RASGRF2: variants seen among roughly 807,000 people sequenced by gnomAD.
The protein encoded by RASGRF2 is ras-specific guanine nucleotide-releasing factor 2.
Under a neutral mutation model 151.0 loss-of-function variants are expected in RASGRF2, and 76 were observed. The ratio of observed to expected loss-of-function variants is 0.50; its 90% confidence interval spans 0.42 to 0.61. RASGRF2 has a LOEUF of 0.61. RASGRF2 is among the 20% of genes least tolerant of loss of function. RASGRF2 has a pLI of 0.00. For missense variants in RASGRF2, 1,148 were observed against 1,564.6 expected, an observed-to-expected ratio of 0.73 and a Z score of 4.49; for synonymous variants, 504 against 566.5, an observed-to-expected ratio of 0.89 and a Z score of 1.57.
intron 17 of RASGRF2, among the ~76,000 whole-genome samples, chr5:81,134,263 C>A (rs1004596865): frequency 3.3e-5 from 5 of 152,030 alleles, no homozygotes; most frequent in Non-Finnish European, 2.9e-5. Context: ...TAACCCACAC[C>A]CTCAGGCAAT....
intron 18 of RASGRF2, among the ~76,000 whole-genome samples, chr5:81,187,914 C>G (rs1202646238): frequency 6.6e-6 from 1 of 152,218 alleles, no homozygotes; most frequent in Non-Finnish European, 1.5e-5. Context: ...AATTAGAGCA[C>G]TGAGTTCAGG....
At chr5:81,222,188 T>C (rs1755870251) in intron 26 of RASGRF2, among the ~76,000 whole-genome samples, 1 of 152,222 alleles carries the variant, frequency 6.6e-6, no homozygotes, top group Admixed American at 6.5e-5. Flanking sequence ...ATAGATTTTA[T>C]ACACATCTAT....
At chr5:81,219,527 T>A (rs1755813304) in intron 25 of RASGRF2, 183 bp from the exon 26 acceptor site, 1 of 509,424 alleles carries the variant, frequency 2.0e-6, no homozygotes, top group Non-Finnish European at 3.5e-6. Flanking sequence ...TGGCATTTCA[T>A]GTGCCTCCTT....
rs532852263 is a variant in RASGRF2, at chr5:81,166,520, T to C, written c.2687-13655T>C. Among the ~76,000 whole-genome samples, 3 of 152,282 alleles carry C rather than the reference T, an allele frequency of 2.0e-5. No homozygotes were observed. In the South Asian group the frequency reaches 6.2e-4, roughly 32 times the overall value. ...TTACTTCTCCTGACAAAAGCCCTTGTCTGCTTACAGATACTCCAAGGATAC... is the reference window on the plus strand; with the variant it reads ...TTACTTCTCCTGACAAAAGCCCTTGCCTGCTTACAGATACTCCAAGGATAC... On this transcript the variant is annotated intron_variant, in intron 17 of 26. Coordinates refer to ENST00000265080, the MANE Select transcript of RASGRF2 (RefSeq NM_006909.3).
chr5:81,064,193 C>T (rs13359431), intron 2 of RASGRF2, among the ~76,000 whole-genome samples: 30,733 of 152,096 alleles, frequency 0.2, 3,357 homozygotes, highest in Middle Eastern at 0.36. Flanking sequence ...TGGCTAGGTT[C>T]GCTTCCTTAC....
intron 17 of RASGRF2, among the ~76,000 whole-genome samples, chr5:81,152,649 T>A (rs1423432463): frequency 6.6e-6 from 1 of 152,138 alleles, no homozygotes; most frequent in East Asian, 1.9e-4. Context: ...CTCAGCAAAT[T>A]TCCTTCCCCA....
At chr5:80,993,325 A>G (rs1748715523) in intron 1 of RASGRF2, among the ~76,000 whole-genome samples, 1 of 152,254 alleles carries the variant, frequency 6.6e-6, no homozygotes, top group South Asian at 2.1e-4. Flanking sequence ...AAATGGAAAT[A>G]TTTTAAATTA....
At chr5:81,150,298 T>A (rs979838086) in intron 17 of RASGRF2, among the ~76,000 whole-genome samples, 1 of 152,178 alleles carries the variant, frequency 6.6e-6, no homozygotes, top group Non-Finnish European at 1.5e-5. Flanking sequence ...CCTCTTTAAG[T>A]CTCATCTTCT....
chr5:81,142,634 C>G (rs1189383630), intron 17 of RASGRF2, among the ~76,000 whole-genome samples: 1 of 152,160 alleles, frequency 6.6e-6, no homozygotes, highest in Non-Finnish European at 1.5e-5. Context: ...GCTAGGTTCT[C>G]ACCTTTTGGA....
rs113117196 is a variant in RASGRF2 at position 80,965,321 on chromosome 5, A to G, written c.288+4295A>G. ...AACTCAACTTTTGTTTACTGAACAC[A>G]AAGGGAAAATGGAATAATGATATTT... On this transcript the variant is annotated intron_variant, in intron 1 of 26. Transcript: ENST00000265080. Among the ~76,000 whole-genome samples the G allele has an allele frequency of 1.4e-3, 213 of 152,298 alleles. 1 individual carries two copies. Among genetic ancestry groups the G allele is most frequent in the African/African-American group, 5.1e-3 (211 of 41,566 alleles).
At chr5:81,208,464 T>A (rs760256629) in intron 22 of RASGRF2, 26 bp downstream of exon 22, 1 of 1,500,228 alleles carries the variant, frequency 6.7e-7, no homozygotes, top group South Asian at 1.1e-5. Context: ...AGTAAAACCG[T>A]GGGCGTGTCA....
At chr5:81,079,787 A>G (rs1172943848) in intron 5 of RASGRF2, among the ~76,000 whole-genome samples, 1 of 152,194 alleles carries the variant, frequency 6.6e-6, no homozygotes, top group Non-Finnish European at 1.5e-5. Flanking sequence ...TCACATATGA[A>G]GAGAAAAAAG....
intron 18 of RASGRF2, among the ~76,000 whole-genome samples, chr5:81,188,716 G>A (rs11738657): frequency 0.55 from 83,961 of 152,044 alleles, 23,419 homozygotes; most frequent in Middle Eastern, 0.77. Context: ...GGAGGTCGAT[G>A]TTGTTATTAC....
chr5:81,088,142 A>G (rs1041761139), intron 9 of RASGRF2: 1 of 152,126 alleles, frequency 6.6e-6, no homozygotes, highest in Non-Finnish European at 1.5e-5. Flanking sequence ...TGCCTCCTCT[A>G]TTCCTCTGCA....
intron 2 of RASGRF2, among the ~76,000 whole-genome samples, chr5:81,063,255 T>C (rs1296451523): frequency 6.6e-6 from 1 of 152,124 alleles, no homozygotes. Flanking sequence ...CATTTCTGTT[T>C]TTTCTTTTTT....
At chr5:81,200,010 G>C (rs1755351704) in intron 18 of RASGRF2, among the ~76,000 whole-genome samples, 1 of 151,760 alleles carries the variant, frequency 6.6e-6, no homozygotes, top group Admixed American at 6.6e-5. Flanking sequence ...GTGGCTCACG[G>C]TCGTAATCCC....
intron 2 of RASGRF2, among the ~76,000 whole-genome samples, chr5:81,049,377 T>A (rs1750937501): frequency 6.6e-6 from 1 of 152,186 alleles, no homozygotes; most frequent in African/African-American, 2.4e-5. Context: ...TTCATATTAT[T>A]CGCCATCTTT....
At chr5:81,149,647 T>C (rs1043937893) in intron 17 of RASGRF2, among the ~76,000 whole-genome samples, 3 of 151,474 alleles carry the variant, frequency 2.0e-5, no homozygotes, top group Admixed American at 2.0e-4. Context: ...AAAAAAAAAA[T>C]CCACCCTCCA....
Position 81,207,352 on chromosome 5 carries a change from G to A in RASGRF2, c.3071+3G>A, listed in dbSNP as rs751344393. On this transcript the variant is annotated splice_donor_region_variant and intron_variant, in intron 21 of 26. Transcript: ENST00000265080. Reference sequence around the variant, plus strand: ...ATTTTCAGAAGCATTCCCTACGAGTGAGTGCCACCCCCCACAGCAGCAGGG... The same window carrying A: ...ATTTTCAGAAGCATTCCCTACGAGTAAGTGCCACCCCCCACAGCAGCAGGG... 3 of 1,611,926 alleles carry A rather than the reference G, an allele frequency of 1.9e-6. No homozygotes were observed. The Admixed American group carries it at 5.0e-5, about 27-fold the overall frequency.
Sources: gnomAD v4.1 joint callset for allele counts (sites outside exome capture counted in the v4.1 genomes callset) on GRCh38, gnomAD v4.1.1 for gene constraint, MANE v1.5 for transcripts, NCBI Gene and HGNC (gene_info 2026-07-23, HGNC 2026-07-21) for gene names.